Variants in EYS observed in about 807,000 individuals in gnomAD.
The protein encoded by EYS is protein eyes shut homolog.
In EYS, 250 loss-of-function variants were observed where a neutral mutation model predicts 282.1. That is an observed-to-expected ratio of 0.89 (90% confidence interval 0.80 to 0.98). The LOEUF (loss-of-function observed/expected upper bound fraction) is 0.98. Among genes scored for constraint, EYS ranks in the 50% least tolerant of loss-of-function variants. The probability of loss-of-function intolerance (pLI) is 0.00; values close to 1 mark genes in which losing one functional copy is unlikely to be tolerated. For synonymous variants in EYS, 1,355 were observed against 1,282.9 expected (o/e 1.06, Z -1.20); for missense variants, 4,016 against 3,709.0 (o/e 1.08, Z -2.15).
intron 26 of EYS, among the ~76,000 whole-genome samples, chr6:64,530,500 A>G (rs552701617): frequency 6.6e-6 from 1 of 152,138 alleles, no homozygotes; most frequent in African/African-American, 2.4e-5. Flanking sequence ...AAATAAACAT[A>G]TATGCAATAA....
intron 2 of EYS, among the ~76,000 whole-genome samples, chr6:65,507,055 G>GATCTACTC: frequency 6.6e-6 from 1 of 151,548 alleles, no homozygotes; most frequent in Middle Eastern, 3.4e-3. Context: ...ATGTAGATCT[G>GATCTACTC]AGTTTCTGAC....
At chr6:64,345,652 A>C (rs1424714622) in intron 29 of EYS, among the ~76,000 whole-genome samples, 1 of 152,156 alleles carries the variant, frequency 6.6e-6, no homozygotes, top group Non-Finnish European at 1.5e-5. Flanking sequence ...CAAGGACTTC[A>C]TGTCTAAAAC....
At chr6:63,961,525 A>G (rs999844083) in intron 35 of EYS, among the ~76,000 whole-genome samples, 12 of 151,510 alleles carry the variant, frequency 7.9e-5, no homozygotes, top group Admixed American at 1.3e-4. Flanking sequence ...CCCTTGGCTG[A>G]CTCTCTTTTC....
At chr6:65,434,883 C>G (rs1251398533) in intron 5 of EYS, among the ~76,000 whole-genome samples, 2 of 151,974 alleles carry the variant, frequency 1.3e-5, no homozygotes, top group African/African-American at 4.8e-5. Flanking sequence ...ATATCTCTTT[C>G]TTTTCGTACC....
intron 2 of EYS, among the ~76,000 whole-genome samples, chr6:65,585,072 T>A (rs1276798224): frequency 6.6e-6 from 1 of 151,802 alleles, no homozygotes. Flanking sequence ...TTACTAAAGT[T>A]CTAAATTTTA....
At chr6:64,498,315 A>G (rs1382469333) in intron 26 of EYS, among the ~76,000 whole-genome samples, 1 of 152,162 alleles carries the variant, frequency 6.6e-6, no homozygotes, top group Non-Finnish European at 1.5e-5. Context: ...GAAGGTAACA[A>G]AGCTAATAGG....
At chr6:65,585,508 T>C (rs1431841583) in intron 2 of EYS, among the ~76,000 whole-genome samples, 1 of 151,842 alleles carries the variant, frequency 6.6e-6, no homozygotes, top group African/African-American at 2.4e-5. Context: ...ATAAACTGAA[T>C]TATTATTCAT....
intron 28 of EYS, among the ~76,000 whole-genome samples, chr6:64,421,872 T>TGC (rs1285972777): frequency 6.6e-6 from 1 of 150,896 alleles, no homozygotes; most frequent in African/African-American, 2.4e-5. Flanking sequence ...TGTGTGTGTG[T>TGC]GTGTGTGTGT....
intron 41 of EYS, among the ~76,000 whole-genome samples, chr6:63,732,909 A>C (rs1768816482): frequency 6.6e-6 from 1 of 152,242 alleles, no homozygotes; most frequent in Non-Finnish European, 1.5e-5. Flanking sequence ...ATGTATGTTT[A>C]AATAGTGAAT....
At chr6:65,113,766 T>C (rs915398840) in intron 12 of EYS, among the ~76,000 whole-genome samples, 1 of 152,042 alleles carries the variant, frequency 6.6e-6, no homozygotes, top group Non-Finnish European at 1.5e-5. Context: ...CTTTTTCCTA[T>C]GACTAATTTT....
chr6:64,406,348 C>T (rs1188825652), intron 28 of EYS, among the ~76,000 whole-genome samples: 2 of 152,160 alleles, frequency 1.3e-5, no homozygotes, highest in Non-Finnish European at 2.9e-5. Flanking sequence ...AAACCTAAAA[C>T]TATAAAAACC....
intron 1 of EYS, among the ~76,000 whole-genome samples, chr6:65,697,158 T>C (rs966354616): frequency 2.6e-5 from 4 of 152,052 alleles, no homozygotes; most frequent in Non-Finnish European, 5.9e-5. Context: ...TTTTGTCTCT[T>C]AGTTTTAAAA....
At chr6:64,849,966 T>A (rs928228546) in intron 19 of EYS, among the ~76,000 whole-genome samples, 1 of 151,986 alleles carries the variant, frequency 6.6e-6, no homozygotes, top group Non-Finnish European at 1.5e-5. Flanking sequence ...ATCATATTAG[T>A]AGGTTTCACT....
intron 12 of EYS, among the ~76,000 whole-genome samples, chr6:65,060,948 G>A (rs1773558169): frequency 6.6e-6 from 1 of 151,628 alleles, no homozygotes; most frequent in Admixed American, 6.6e-5. Flanking sequence ...CAGACTAAAT[G>A]CAGAAAAATG....
chr6:63,884,971 G>A (rs892298812), intron 35 of EYS, among the ~76,000 whole-genome samples: 8 of 152,022 alleles, frequency 5.3e-5, no homozygotes, highest in Non-Finnish European at 1.2e-4. Flanking sequence ...ATAATGGGTA[G>A]GTGGAGTGTT....
chr6:64,556,390 G>A (rs1157111417), intron 26 of EYS, among the ~76,000 whole-genome samples: 3 of 152,076 alleles, frequency 2.0e-5, no homozygotes, highest in Middle Eastern at 3.4e-3. Flanking sequence ...AGGGTCTGTG[G>A]TGTATCGTCC....
chr6:64,353,592 T>C (rs1398501884), intron 29 of EYS, among the ~76,000 whole-genome samples: 1 of 151,664 alleles, frequency 6.6e-6, no homozygotes, highest in Non-Finnish European at 1.5e-5. Context: ...TTTATCCTTA[T>C]GGATAAAGGC....
chr6:64,763,955 T>A (rs1056057129), intron 22 of EYS, among the ~76,000 whole-genome samples: 3 of 152,226 alleles, frequency 2.0e-5, no homozygotes, highest in African/African-American at 4.8e-5. Flanking sequence ...ATGCAAGAGG[T>A]AGTCTGCCAA....
At chr6:65,105,009 T>A (rs1016543113) in intron 12 of EYS, among the ~76,000 whole-genome samples, 1 of 151,698 alleles carries the variant, frequency 6.6e-6, no homozygotes, top group Non-Finnish European at 1.5e-5. Flanking sequence ...ATTCAGTCTT[T>A]CCACTAGTCT....
Sources: allele counts gnomAD v4.1 joint callset (sites outside exome capture counted in the v4.1 genomes callset), GRCh38; gene constraint gnomAD v4.1.1; transcripts MANE v1.5; gene names NCBI Gene and HGNC (gene_info 2026-07-23, HGNC 2026-07-21).